SCAI: variants seen among roughly 807,000 people sequenced by gnomAD.
The protein encoded by SCAI is protein SCAI.
SCAI carries 24 observed loss-of-function variants against 92.2 expected under a neutral mutation model. The observed-to-expected ratio is 0.26, with a 90% CI of 0.19 to 0.37. SCAI has a LOEUF of 0.37. Among genes scored for constraint, SCAI ranks in the 10% least tolerant of loss-of-function variants. SCAI has a pLI of 1.00. For missense variants in SCAI, 450 were observed against 736.2 expected (o/e 0.61, Z 4.50); for synonymous variants, 261 against 258.6 (o/e 1.01, Z -0.09).
intron 6 of SCAI, among the ~76,000 whole-genome samples, chr9:125,023,172 T>C (rs1832903930): frequency 6.6e-6 from 1 of 152,200 alleles, no homozygotes; most frequent in South Asian, 2.1e-4. Context: ...TACAAGGGGA[T>C]AATTTTTTCT....
intron 17 of SCAI, among the ~76,000 whole-genome samples, chr9:124,964,589 C>T (rs992385054): frequency 6.6e-6 from 1 of 152,140 alleles, no homozygotes; most frequent in Non-Finnish European, 1.5e-5. Flanking sequence ...GTGTAATGAA[C>T]CTTAAAGGTC....
At chr9:124,977,991 T>C in intron 14 of SCAI, among the ~76,000 whole-genome samples, 1 of 152,198 alleles carries the variant, frequency 6.6e-6, no homozygotes, top group Middle Eastern at 3.4e-3. Context: ...TTACCTAGAC[T>C]CTCCTGTTAT....
intron 9 of SCAI, among the ~76,000 whole-genome samples, chr9:125,014,479 G>A (rs1832707679): frequency 6.6e-6 from 1 of 152,186 alleles, no homozygotes. Context: ...TACAAGGGAT[G>A]TGAAGGACCT....
chr9:125,063,002 G>C (rs1488940931), intron 2 of SCAI, among the ~76,000 whole-genome samples: 4 of 121,500 alleles, frequency 3.3e-5, no homozygotes, highest in African/African-American at 1.3e-4. Flanking sequence ...CCTGGTGTCA[G>C]AGTGAGACTC....
intron 17 of SCAI, among the ~76,000 whole-genome samples, chr9:124,967,567 CT>C (rs559591565): frequency 6.6e-6 from 1 of 151,886 alleles, no homozygotes; most frequent in African/African-American, 2.4e-5. Flanking sequence ...ATGAAAATGG[CT>C]TTTTTTTCCT....
intron 17 of SCAI, among the ~76,000 whole-genome samples, chr9:124,960,569 A>C (rs929785241): frequency 3.0e-4 from 45 of 152,250 alleles, no homozygotes; most frequent in Non-Finnish European, 4.4e-5. Context: ...CAGAAGGTTT[A>C]CACAAGAGTC....
At chr9:125,076,596 G>A (rs976103875) in intron 2 of SCAI, among the ~76,000 whole-genome samples, 4 of 151,996 alleles carry the variant, frequency 2.6e-5, no homozygotes, top group African/African-American at 9.7e-5. Context: ...GCTGGGTGGT[G>A]GCTCACCTCT....
chr9:125,082,081 T>C (rs561979916), intron 2 of SCAI, among the ~76,000 whole-genome samples: 1 of 152,154 alleles, frequency 6.6e-6, no homozygotes, highest in African/African-American at 2.4e-5. Flanking sequence ...GCCCCTCCCA[T>C]CACAGGCCTG....
chr9:125,036,994 T>C (rs1460083504), intron 3 of SCAI, among the ~76,000 whole-genome samples: 1 of 151,978 alleles, frequency 6.6e-6, no homozygotes, highest in Non-Finnish European at 1.5e-5. Flanking sequence ...GCAGGCCAGG[T>C]GCAGTGGCTC....
At chr9:124,966,788 T>C (rs1368076002) in intron 17 of SCAI, among the ~76,000 whole-genome samples, 2 of 151,412 alleles carry the variant, frequency 1.3e-5, no homozygotes, top group Admixed American at 1.3e-4. Context: ...AAGAGTTTTT[T>C]TTTTCTAAGA....
rs1052722830 is a variant in SCAI at position 124,963,143 on chromosome 9, T to C, written c.1674+8227A>G. Reference sequence around the variant, plus strand: ...ATACAGTTAGCTAGAGAAAAGAATTTTTTCCCCCCCGAGACGGAGTTTTGC... The same window carrying C: ...ATACAGTTAGCTAGAGAAAAGAATTCTTTCCCCCCCGAGACGGAGTTTTGC... On this transcript the variant is annotated intron_variant, in intron 17 of 17. Transcript: ENST00000336505. Among the ~76,000 whole-genome samples the C allele has an allele frequency of 3.4e-5, 5 of 147,992 alleles. No homozygotes were observed. In the Admixed American group the frequency reaches 3.4e-4, roughly 10 times the overall value.
intron 2 of SCAI, among the ~76,000 whole-genome samples, chr9:125,080,749 T>A (rs1050882685): frequency 1.3e-5 from 2 of 152,088 alleles, no homozygotes; most frequent in Non-Finnish European, 2.9e-5. Context: ...CCATAAACAG[T>A]CAATAAAAGG....
chr9:124,975,978 G>T, intron 15 of SCAI, 136 bp downstream of exon 15: 1 of 557,666 alleles, frequency 1.8e-6, no homozygotes. Flanking sequence ...ATATTTCAGA[G>T]CGACACCTGC....
intron 2 of SCAI, among the ~76,000 whole-genome samples, chr9:125,067,825 A>G (rs1416025066): frequency 1.3e-5 from 2 of 152,246 alleles, no homozygotes. Context: ...GCAAACAAGC[A>G]AAACAACAAC....
intron 2 of SCAI, among the ~76,000 whole-genome samples, chr9:125,117,985 G>A (rs7033815): frequency 6.6e-6 from 1 of 151,904 alleles, no homozygotes; most frequent in Non-Finnish European, 1.5e-5. Context: ...TTCTAATGAG[G>A]TAATATATAA....
At chr9:124,993,416 C>G (rs1170086828) in intron 14 of SCAI, among the ~76,000 whole-genome samples, 2 of 152,178 alleles carry the variant, frequency 1.3e-5, no homozygotes, top group Non-Finnish European at 2.9e-5. Flanking sequence ...TGGAGAAACC[C>G]CATCTCTGCT....
At chr9:125,003,879 T>C (rs1326504616) in intron 9 of SCAI, among the ~76,000 whole-genome samples, 1 of 152,098 alleles carries the variant, frequency 6.6e-6, no homozygotes, top group Admixed American at 6.6e-5. Flanking sequence ...TTTAAGTAGT[T>C]ACAGAAACAC....
chr9:124,965,913 C>T (rs1377967274), intron 17 of SCAI, among the ~76,000 whole-genome samples: 5 of 152,114 alleles, frequency 3.3e-5, no homozygotes, highest in African/African-American at 1.2e-4. Flanking sequence ...CACTAGAGAT[C>T]ATTTTTTATT....
chr9:125,116,913 C>T (rs1222327144), intron 2 of SCAI, among the ~76,000 whole-genome samples: 1 of 152,140 alleles, frequency 6.6e-6, no homozygotes, highest in East Asian at 1.9e-4. Flanking sequence ...TACCCTTTCA[C>T]TTATCATATT....
Sources: gnomAD v4.1 joint callset for allele counts (sites outside exome capture counted in the v4.1 genomes callset) on GRCh38, gnomAD v4.1.1 for gene constraint, MANE v1.5 for transcripts, NCBI Gene and HGNC (gene_info 2026-07-23, HGNC 2026-07-21) for gene names.